AFF1: variants seen among roughly 807,000 people sequenced by gnomAD.
AFF1 encodes the protein AF4/FMR2 family member 1.
In AFF1, 48 loss-of-function variants were observed where a neutral mutation model predicts 121.7. The observed-to-expected ratio is 0.39, with a 90% CI of 0.31 to 0.50. The LOEUF (loss-of-function observed/expected upper bound fraction) is 0.50, where lower values mean the gene tolerates loss of function less well. AFF1 is among the 20% of genes least tolerant of loss of function. The pLI is 0.76. For synonymous variants in AFF1, 613 were observed against 563.0 expected, an observed-to-expected ratio of 1.09 and a Z score of -1.26; for missense variants, 1,523 against 1,511.7, an observed-to-expected ratio of 1.01 and a Z score of -0.12.
At chr4:87,089,705 A>G (rs1724102296) in intron 5 of AFF1, among the ~76,000 whole-genome samples, 2 of 152,178 alleles carry the variant, frequency 1.3e-5, no homozygotes, top group Non-Finnish European at 2.9e-5. Context: ...CGTACAGTTT[A>G]TGTGCTTGAT....
chr4:87,070,492 T>G (rs553473427), intron 4 of AFF1, among the ~76,000 whole-genome samples: 25 of 152,396 alleles, frequency 1.6e-4, no homozygotes, highest in African/African-American at 5.5e-4. Context: ...AGCAAATGTT[T>G]ATGGCTTTTA....
Position 87,061,323 on chromosome 4 carries a change from T to C in AFF1, c.1059+13729T>C, listed in dbSNP as rs114725975. Among the ~76,000 whole-genome samples, 329 of 152,308 alleles carry C rather than the reference T, an allele frequency of 2.2e-3. 1 individual carries two copies. The highest frequency in any genetic ancestry group is 7.7e-3 in the African/African-American group (320 of 41,558). On this transcript the variant is annotated intron_variant, in intron 4 of 20. Transcript: ENST00000395146. ...ATGGCCCCTCCAGGCTGAGGACCTATTCAGAATCTCTGTATGGAAACTGAA... is the reference window on the plus strand; with the variant it reads ...ATGGCCCCTCCAGGCTGAGGACCTACTCAGAATCTCTGTATGGAAACTGAA...
At chr4:87,075,927 A>T (rs952201679) in intron 4 of AFF1, among the ~76,000 whole-genome samples, 1 of 152,206 alleles carries the variant, frequency 6.6e-6, no homozygotes, top group Non-Finnish European at 1.5e-5. Flanking sequence ...GACAAAATCG[A>T]GTATTCATTT....
intron 4 of AFF1, among the ~76,000 whole-genome samples, chr4:87,075,498 G>A (rs1258234398): frequency 6.6e-6 from 1 of 152,142 alleles, no homozygotes; most frequent in Admixed American, 6.5e-5. Context: ...TTATCCTGGA[G>A]TATTATTTCT....
intron 7 of AFF1, among the ~76,000 whole-genome samples, chr4:87,093,432 A>G (rs1724518714): frequency 6.6e-6 from 1 of 152,226 alleles, no homozygotes; most frequent in South Asian, 2.1e-4. Flanking sequence ...TTCTTAAAGT[A>G]TGCCCAGCAA....
intron 2 of AFF1, among the ~76,000 whole-genome samples, chr4:86,995,717 C>T (rs1725102655): frequency 6.6e-6 from 1 of 151,996 alleles, no homozygotes. Context: ...AGATTGCAGC[C>T]TCTGCCCGGC....
At chr4:87,045,312 CT>C (rs1390851366) in intron 2 of AFF1, among the ~76,000 whole-genome samples, 1 of 152,154 alleles carries the variant, frequency 6.6e-6, no homozygotes, top group Non-Finnish European at 1.5e-5. Flanking sequence ...TCTTATTTCA[CT>C]TTTTAATCAT....
chr4:86,944,851 T>G (rs1720740699), intron 1 of AFF1, among the ~76,000 whole-genome samples: 1 of 152,222 alleles, frequency 6.6e-6, no homozygotes, highest in African/African-American at 2.4e-5. Context: ...CCATAAAACT[T>G]ACATATATGT....
intron 2 of AFF1, among the ~76,000 whole-genome samples, chr4:86,967,745 CT>C (rs1722634554): frequency 6.6e-6 from 1 of 151,776 alleles, no homozygotes; most frequent in Non-Finnish European, 1.5e-5. Flanking sequence ...CTGGGAGATG[CT>C]GAAAGATGGG....
intron 2 of AFF1, among the ~76,000 whole-genome samples, chr4:87,019,389 T>C (rs1339054828): frequency 1.3e-5 from 2 of 152,306 alleles, no homozygotes; most frequent in South Asian, 2.1e-4. Context: ...AGGACTCTAA[T>C]CTAATTGTAA....
intron 4 of AFF1, among the ~76,000 whole-genome samples, chr4:87,073,437 T>C (rs1272652396): frequency 2.0e-5 from 3 of 152,282 alleles, no homozygotes; most frequent in Admixed American, 6.5e-5. Context: ...GGGCTCAGAT[T>C]GCTTCCTCAG....
At chr4:87,022,157 A>G (rs2149560626) in intron 2 of AFF1, among the ~76,000 whole-genome samples, 1 of 145,306 alleles carries the variant, frequency 6.9e-6, no homozygotes, top group African/African-American at 2.6e-5. Context: ...GTGAGCCGAG[A>G]TCGTGCCACT....
At position 86,953,899 on chromosome 4, in the gene AFF1, C is replaced by T. The variant is rs576115286; in HGVS notation, c.38+5328C>T. On this transcript the variant is annotated intron_variant, in intron 2 of 20. Coordinates refer to ENST00000395146, the MANE Select transcript of AFF1 (RefSeq NM_001166693.3). ...AATTTTTGTACGTTTTTAGTAGAGACGGGGTTTCACCATGTTGGCCAGGCT... is the reference window on the plus strand; with the variant it reads ...AATTTTTGTACGTTTTTAGTAGAGATGGGGTTTCACCATGTTGGCCAGGCT... 7.0e-4 allele frequency among the ~76,000 whole-genome samples: 106 copies of T among 152,098 alleles called. 1 individual carries two copies. The highest frequency in any genetic ancestry group is 1.8e-3 in the Admixed American group (27 of 15,274).
At chr4:87,120,581 A>G (rs1387347844) in intron 12 of AFF1, among the ~76,000 whole-genome samples, 6 of 152,168 alleles carry the variant, frequency 3.9e-5, no homozygotes, top group Non-Finnish European at 8.8e-5. Context: ...TTCTCCGTAC[A>G]AGTGTCTGTT....
intron 2 of AFF1, among the ~76,000 whole-genome samples, chr4:87,042,010 G>GA (rs571154413): frequency 0.11 from 13,376 of 124,668 alleles, 1,138 homozygotes; most frequent in African/African-American, 0.24. Flanking sequence ...ACTCCATCTG[G>GA]AAAAAAAAAA....
chr4:87,028,273 G>A (rs1422829201), intron 2 of AFF1, among the ~76,000 whole-genome samples: 2 of 151,666 alleles, frequency 1.3e-5, no homozygotes, highest in Non-Finnish European at 2.9e-5. Context: ...TAAATAGCTT[G>A]TATATCATTA....
Position 87,114,868 on chromosome 4 carries a change from C to T in AFF1, c.2035C>T (p.His679Tyr), listed in dbSNP as rs1459237891. The T allele has an allele frequency of 6.2e-7, 1 of 1,613,978 alleles. No individual in the cohort carries two copies. The highest frequency in any genetic ancestry group is 1.7e-5 in the Admixed American group (1 of 59,992). Reference sequence around the variant, plus strand: ...GCCCCCCTCCAGTGAGAAGAAGAAGCACAAGAGCTCCCTCCCTGCCCCCTC... The same window carrying T: ...GCCCCCCTCCAGTGAGAAGAAGAAGTACAAGAGCTCCCTCCCTGCCCCCTC... ...AVPPSSEKKK[H>Y]KSSLPAPSKA... The change falls in exon 12 of 21, where the codon CAC becomes TAC. Residue 679 changes from histidine (H) to tyrosine (Y), a missense_variant. By Grantham distance (83) the His-to-Tyr change is moderately conservative. Around this residue, in one of 5 missense-constraint regions of AFF1, gnomAD observed 905 missense variants for 842.5 expected, o/e 1.07. Coordinates refer to ENST00000395146, the MANE Select transcript of AFF1 (RefSeq NM_001166693.3).
Position 87,114,697 on chromosome 4 carries a change from G to A in AFF1, c.1864G>A (p.Ala622Thr). 1 of 1,613,936 alleles carries A rather than the reference G, an allele frequency of 6.2e-7. No individual in the cohort carries two copies. The highest frequency in any genetic ancestry group is 2.2e-5 in the East Asian group (1 of 44,812). ...PKKPVKASAR[A>T]GSRTSLQGER... ...AAAACCTGTCAAGGCCTCTGCCCGGGCAGGTTCACGGACCAGCCTGCAGGG... is the reference window on the plus strand; with the variant it reads ...AAAACCTGTCAAGGCCTCTGCCCGGACAGGTTCACGGACCAGCCTGCAGGG... The change falls in exon 12 of 21, where the codon GCA becomes ACA. Residue 622 changes from alanine (A) to threonine (T), a missense_variant. This residue lies in a region of AFF1 where 905 missense variants were observed against 842.5 expected (regional missense o/e 1.07). Transcript: ENST00000395146.
chr4:87,117,868 C>T (rs1727285793), intron 12 of AFF1, among the ~76,000 whole-genome samples: 1 of 152,134 alleles, frequency 6.6e-6, no homozygotes, highest in Non-Finnish European at 1.5e-5. Flanking sequence ...CTCATTAGCG[C>T]CCTGACTGCT....
Sources: allele counts gnomAD v4.1 joint callset (sites outside exome capture counted in the v4.1 genomes callset), GRCh38; gene constraint gnomAD v4.1.1; regional missense constraint gnomAD v4.1.1; transcripts MANE v1.5; gene names NCBI Gene and HGNC (gene_info 2026-07-23, HGNC 2026-07-21).